ZNF331: variants seen among roughly 807,000 people sequenced by gnomAD.
ZNF331 encodes zinc finger protein 331, also known as C2H2-like zinc finger protein rearranged in thyroid adenomas.
Under a neutral mutation model 7.0 loss-of-function variants are expected in ZNF331, and 2 were observed. The ratio of observed to expected loss-of-function variants is 0.29; its 90% CI spans 0.12 to 0.90. ZNF331 has a LOEUF of 0.90. Among genes scored for constraint, ZNF331 ranks in the 40% least tolerant of loss-of-function variants. The pLI is 0.58. For missense variants in ZNF331, 432 were observed against 587.7 expected, an observed-to-expected ratio of 0.74 and a Z score of 2.74; for synonymous variants, 196 against 205.4, an observed-to-expected ratio of 0.95 and a Z score of 0.39.
At chr19:53,508,913 G>C in the ZNF331 span, among the ~76,000 whole-genome samples, 1 of 152,196 alleles carries the variant, frequency 6.6e-6, no homozygotes, top group Non-Finnish European at 1.5e-5. Context: ...GACTGATTCT[G>C]TGGAGGGAGA....
At chr19:53,523,196 C>A (rs954415182) in intron 2 of ZNF331, 7 of 151,788 alleles carry the variant, frequency 4.6e-5, no homozygotes, top group Non-Finnish European at 8.8e-5. Flanking sequence ...AAACTCTACT[C>A]TCTTAGCAAT....
intron 5 of ZNF331, among the ~76,000 whole-genome samples, chr19:53,575,191 G>A (rs1349321044): frequency 1.3e-5 from 2 of 151,630 alleles, no homozygotes; most frequent in Non-Finnish European, 2.9e-5. Flanking sequence ...CACCCACCTC[G>A]GTCTCCCAAA....
chr19:53,572,534 TAC>T (rs139775519), intron 5 of ZNF331, among the ~76,000 whole-genome samples: 28 of 142,662 alleles, frequency 2.0e-4, no homozygotes, highest in African/African-American at 7.2e-4. Flanking sequence ...TTTATATATA[TAC>T]ACACACATAT....
chr19:53,535,508 C>T (rs2087711803), upstream of ZNF331, among the ~76,000 whole-genome samples: 1 of 152,130 alleles, frequency 6.6e-6, no homozygotes, highest in Non-Finnish European at 1.5e-5. Flanking sequence ...ACATTGAATC[C>T]TATTAATCAT....
chr19:53,536,640 C>T (rs1277640528), upstream of ZNF331, among the ~76,000 whole-genome samples: 1 of 152,214 alleles, frequency 6.6e-6, no homozygotes, highest in Non-Finnish European at 1.5e-5. Flanking sequence ...TGGCTCACGC[C>T]TGTAATTCCT....
chr19:53,577,100 T>G lies in ZNF331; in HGVS notation c.540T>G (p.Ile180Met). 1 of 1,613,924 alleles carries G rather than the reference T, an allele frequency of 6.2e-7. No homozygotes were observed. The highest frequency in any genetic ancestry group is 8.5e-7 in the Non-Finnish European group (1 of 1,179,974). ...WGNQLTQHQK[I>M]HTGEKPYECK... is the part of the protein sequence containing the mutation. ...ATCAGCTTACTCAACATCAAAAAAT[T>G]CATACTGGGGAGAAGCCCTACGAAT... The change falls in exon 6 of 6, where the codon ATT (isoleucine) becomes ATG (methionine). Residue 180 changes from isoleucine (I) to methionine (M), a missense_variant. Coordinates refer to ENST00000449416, the MANE Select transcript of ZNF331 (RefSeq NM_001079906.2).
chr19:53,579,508 G>A lies in ZNF331; in HGVS notation c.*1556G>A, dbSNP rs2090850576. On this transcript the variant is annotated 3_prime_UTR_variant, in exon 6 of 6. Transcript: ENST00000449416. The stretch of plus-strand genomic sequence containing the variant: ...AAATTAAATGTTTGGTACATGTAAA[G>A]TCTTTGAAAGTGTAACTGGAATATT... 4.8e-6 allele frequency: 1 copy of A among 206,860 alleles called. No homozygotes were observed. Among genetic ancestry groups the A allele is most frequent in the Non-Finnish European group, 9.9e-6 (1 of 101,050 alleles). The allele number at this position is 206,860 out of a possible 1,614,324, so 12.8% of individuals were successfully genotyped here.
At position 53,560,244 on chromosome 19, in the gene ZNF331, TAC is replaced by T. The variant is rs932242592; in HGVS notation, c.-74+4343_-74+4344del. Among the ~76,000 whole-genome samples, 1 of 148,698 alleles carries T rather than the reference TAC, an allele frequency of 6.7e-6. No homozygotes were observed. Among genetic ancestry groups the T allele is most frequent in the Non-Finnish European group, 1.5e-5 (1 of 67,108 alleles). Reference sequence around the variant, plus strand: ...CATATATACACATCCACACCATATATACACACACCATGCACCCACATATATAC... The same window carrying T: ...CATATATACACATCCACACCATATATACACACCATGCACCCACATATATAC... On this transcript the variant is annotated intron_variant, in intron 3 of 5. Transcript: ENST00000449416. This position sits in a 1 kb window ranked among gnomAD's most constrained non-coding sequence, Gnocchi z 4.3.
chr19:53,577,007 T>C lies in ZNF331; in HGVS notation c.447T>C (p.His149=). The C allele has an allele frequency of 6.2e-7, 1 of 1,613,022 alleles. No individual in the cohort carries two copies. Among genetic ancestry groups the C allele is most frequent in the Non-Finnish European group, 8.5e-7 (1 of 1,179,590 alleles). ...AFSRGYQLSQ[H]QKIHTGEKPY... ...GTCGTGGCTATCAACTTAGTCAACATCAGAAAATCCATACTGGTGAGAAAC... is the reference window on the plus strand; with the variant it reads ...GTCGTGGCTATCAACTTAGTCAACACCAGAAAATCCATACTGGTGAGAAAC... The change falls in exon 6 of 6, where the codon CAT becomes CAC. Residue 149 remains histidine (H), a synonymous_variant. Transcript: ENST00000449416.
chr19:53,519,106 G>C (rs898823163), upstream of ZNF331, among the ~76,000 whole-genome samples: 1 of 151,988 alleles, frequency 6.6e-6, no homozygotes, highest in Non-Finnish European at 1.5e-5. Context: ...CTATACAGTA[G>C]TCTTACCCAC....
At chr19:53,549,741 C>G (rs1233313267) in intron 2 of ZNF331, among the ~76,000 whole-genome samples, 1 of 150,984 alleles carries the variant, frequency 6.6e-6, no homozygotes, top group Admixed American at 6.6e-5. Flanking sequence ...ATATTGTTTT[C>G]CAGTCTGTAT....
At chr19:53,551,868 CA>C (rs1455207889) in intron 2 of ZNF331, among the ~76,000 whole-genome samples, 3 of 152,106 alleles carry the variant, frequency 2.0e-5, no homozygotes, top group Admixed American at 1.3e-4. Context: ...GAGTCTGAAG[CA>C]TTCGAGGATT....
intron 2 of ZNF331, among the ~76,000 whole-genome samples, chr19:53,545,718 C>G (rs2088552025): frequency 6.6e-6 from 1 of 152,328 alleles, no homozygotes; most frequent in East Asian, 1.9e-4. Context: ...TGCCTGAGAG[C>G]AGCGGCCCCC....
chr19:53,564,928 A>G (rs369232201), intron 3 of ZNF331, among the ~76,000 whole-genome samples: 11 of 152,348 alleles, frequency 7.2e-5, no homozygotes, highest in East Asian at 1.9e-4. Flanking sequence ...TTAAAAGACA[A>G]TCTTTCCTAG....
At chr19:53,561,563 T>G (rs958823121) in intron 3 of ZNF331, among the ~76,000 whole-genome samples, 4 of 152,122 alleles carry the variant, frequency 2.6e-5, no homozygotes, top group Non-Finnish European at 4.4e-5. Context: ...AAATCTAGTT[T>G]TAAATCTAAT....
Position 53,571,862 on chromosome 19 carries a change from T to C in ZNF331, c.136+132T>C, listed in dbSNP as rs1005537663. 4 of 1,252,522 alleles carry C rather than the reference T, an allele frequency of 3.2e-6. No homozygotes were observed. The highest frequency in any genetic ancestry group is 3.0e-5 in the African/African-American group (2 of 65,924). The allele number at this position is 1,252,522 out of a possible 1,614,324, so 77.6% of individuals were successfully genotyped here. On this transcript the variant is annotated intron_variant, in intron 5 of 5. Transcript: ENST00000449416. The surrounding 1 kb of genome is among the most constrained non-coding windows in gnomAD (Gnocchi z 4.7). ...TCCCCAAGGAATGTATTGAGCCTTATTGATGTGGCCGTGAGCACCACAACC... is the reference window on the plus strand; with the variant it reads ...TCCCCAAGGAATGTATTGAGCCTTACTGATGTGGCCGTGAGCACCACAACC...
At position 53,561,080 on chromosome 19, in the gene ZNF331, C is replaced by T. The variant is rs138953354; in HGVS notation, c.-74+5172C>T. ...CGCTGAGGTGGGAGGATCACTTGAA[C>T]CCAGGAGATCGAAGCTGCAGTAAGC... On this transcript the variant is annotated intron_variant, in intron 3 of 5. Transcript: ENST00000449416. Among the ~76,000 whole-genome samples, 296 of 152,142 alleles carry T rather than the reference C, an allele frequency of 1.9e-3. 2 individuals are homozygous for T. Among genetic ancestry groups the T allele is most frequent in the African/African-American group, 5.9e-3 (245 of 41,486 alleles).
intron 2 of ZNF331, among the ~76,000 whole-genome samples, chr19:53,526,310 CTT>C (rs1158838787): frequency 6.6e-6 from 1 of 152,140 alleles, no homozygotes; most frequent in Admixed American, 6.5e-5. Flanking sequence ...AGTCCCTTCT[CTT>C]GGATTTTCTG....
chr19:53,568,014 G>GT lies in ZNF331; in HGVS notation c.-73-1290_-73-1289insT, dbSNP rs2147621565. Among the ~76,000 whole-genome samples, 3 of 152,232 alleles carry GT rather than the reference G, an allele frequency of 2.0e-5. 1 individual carries two copies. In the South Asian group the frequency reaches 6.2e-4, roughly 32 times the overall value. ...GCCTGTAATCCCAACGCTTTGGGAG[G>GT]ACAAGGAGGGCAGATCACGAGGTCG... On this transcript the variant is annotated intron_variant, in intron 3 of 5. Transcript: ENST00000449416.
Sources: gnomAD v4.1 joint callset for allele counts (sites outside exome capture counted in the v4.1 genomes callset) on GRCh38, gnomAD v4.1.1 for gene constraint, Gnocchi (gnomAD v3.1) non-coding constraint, MANE v1.5 for transcripts, NCBI Gene and HGNC (gene_info 2026-07-23, HGNC 2026-07-21) for gene names.